Variants in CCDC85A observed in about 807,000 individuals in gnomAD.
The protein encoded by CCDC85A is coiled-coil domain containing 85A, also known as coiled-coil domain-containing protein 85A.
CCDC85A carries 38 observed loss-of-function variants against 50.2 expected under a neutral mutation model. The observed-to-expected ratio is 0.76, with a 90% CI of 0.58 to 0.99. The LOEUF is 0.99. CCDC85A is among the 50% of genes least tolerant of loss of function. The probability of loss-of-function intolerance (pLI) is 0.00; values close to 1 mark genes in which losing one functional copy is unlikely to be tolerated. For synonymous variants in CCDC85A, 366 were observed against 301.4 expected (o/e 1.21, Z -2.22); for missense variants, 820 against 742.0 (o/e 1.11, Z -1.22).
chr2:56,369,782 G>A (rs1295295653), intron 3 of CCDC85A, among the ~76,000 whole-genome samples: 7 of 152,044 alleles, frequency 4.6e-5, no homozygotes, highest in South Asian at 2.1e-4. Flanking sequence ...CTTCTTTTCA[G>A]TACTTGATTT....
intron 2 of CCDC85A, among the ~76,000 whole-genome samples, chr2:56,247,800 C>A (rs527359465): frequency 2.4e-4 from 37 of 152,248 alleles, no homozygotes; most frequent in African/African-American, 8.2e-4. Flanking sequence ...TTGTTTAATT[C>A]TCTCCTTTAG....
intron 2 of CCDC85A, among the ~76,000 whole-genome samples, chr2:56,322,034 A>C (rs946721470): frequency 2.0e-5 from 3 of 152,156 alleles, no homozygotes; most frequent in African/African-American, 7.2e-5. Context: ...CAAAAACAAG[A>C]AATGGGGAAA....
chr2:56,369,174 C>T (rs1211249036), intron 3 of CCDC85A, among the ~76,000 whole-genome samples: 2 of 152,020 alleles, frequency 1.3e-5, no homozygotes, highest in Non-Finnish European at 2.9e-5. Context: ...AGAAAAGAAA[C>T]ACGACAGTGT....
chr2:56,300,998 T>C (rs1456235835), intron 2 of CCDC85A, among the ~76,000 whole-genome samples: 1 of 152,214 alleles, frequency 6.6e-6, no homozygotes, highest in Non-Finnish European at 1.5e-5. Context: ...GGTTCTATTA[T>C]ATAAGCAGTG....
At chr2:56,262,682 T>C (rs1345596278) in intron 2 of CCDC85A, among the ~76,000 whole-genome samples, 1 of 152,204 alleles carries the variant, frequency 6.6e-6, no homozygotes, top group African/African-American at 2.4e-5. Flanking sequence ...TACAGCAGGA[T>C]CAGATCTCAT....
At chr2:56,281,210 G>T (rs912438684) in intron 2 of CCDC85A, among the ~76,000 whole-genome samples, 9 of 152,026 alleles carry the variant, frequency 5.9e-5, no homozygotes, top group African/African-American at 2.2e-4. Context: ...TGTGTATCTG[G>T]ATTCTTTCAC....
chr2:56,285,599 C>T (rs1350388021), intron 2 of CCDC85A, among the ~76,000 whole-genome samples: 1 of 145,684 alleles, frequency 6.9e-6, no homozygotes, highest in Non-Finnish European at 1.5e-5. Flanking sequence ...TAATAATATT[C>T]TTATCTACAC....
At chr2:56,337,065 A>G (rs974717260) in intron 2 of CCDC85A, among the ~76,000 whole-genome samples, 8 of 152,234 alleles carry the variant, frequency 5.3e-5, no homozygotes, top group African/African-American at 1.9e-4. Context: ...TATTTGCAAA[A>G]CAAGTCAGAG....
chr2:56,201,461 T>G (rs1453881065), intron 2 of CCDC85A, among the ~76,000 whole-genome samples: 1 of 152,144 alleles, frequency 6.6e-6, no homozygotes, highest in Non-Finnish European at 1.5e-5. Flanking sequence ...AATTTTGCCT[T>G]CTGGTCTTGA....
At chr2:56,343,322 T>G (rs962736312) in intron 3 of CCDC85A, among the ~76,000 whole-genome samples, 1 of 152,200 alleles carries the variant, frequency 6.6e-6, no homozygotes, top group African/African-American at 2.4e-5. Context: ...ATAGAAAACT[T>G]GCTAATTTCT....
chr2:56,193,286 C>G lies in CCDC85A; in HGVS notation c.1086C>G (p.Leu362=), dbSNP rs776556499. The G allele has an allele frequency of 6.2e-7, 1 of 1,613,920 alleles. No individual in the cohort carries two copies. Among genetic ancestry groups the G allele is most frequent in the Non-Finnish European group, 8.5e-7 (1 of 1,179,862 alleles). Residue 362 remains leucine, a synonymous_variant, in exon 2 of 6, where the codon CTC becomes CTG. Transcript: ENST00000407595. ...CCAGGGGCACCAGCCCGGAGCACCT[C>G]AAACAACATTATGGAGGGAGCCCTG... ...PRARGTSPEH[L]KQHYGGSPDH...
In CCDC85A at chr2:56,278,574, A is replaced by T. The variant is rs374381799; in HGVS notation, c.1241-64305A>T. Among the ~76,000 whole-genome samples, 33 of 151,796 alleles carry T rather than the reference A, an allele frequency of 2.2e-4. No individual in the cohort carries two copies. In the East Asian group the frequency reaches 2.7e-3, roughly 13 times the overall value. ...GTAGCCTGGTCTATTTTTATTTTTT[A>T]TTATTATTATTTTTTTGGAGATGGA... On this transcript the variant is annotated intron_variant, in intron 2 of 5. Coordinates refer to ENST00000407595, the MANE Select transcript of CCDC85A (RefSeq NM_001080433.2).
chr2:56,216,281 C>T (rs1193742388), intron 2 of CCDC85A, among the ~76,000 whole-genome samples: 1 of 151,834 alleles, frequency 6.6e-6, no homozygotes, highest in Non-Finnish European at 1.5e-5. Context: ...TTCAGCTTTA[C>T]TAGATAATGC....
At chr2:56,245,150 T>TTGCA (rs1669445253) in intron 2 of CCDC85A, among the ~76,000 whole-genome samples, 1 of 152,002 alleles carries the variant, frequency 6.6e-6, no homozygotes, top group South Asian at 2.1e-4. Flanking sequence ...TGCCCAGGAG[T>TTGCA]TGCAGTCCTT....
rs1674939773 is a variant in CCDC85A at position 56,351,533 on chromosome 2, T to C, written c.1317+8578T>C. Among the ~76,000 whole-genome samples the C allele has an allele frequency of 1.0e-4, 14 of 140,280 alleles. 2 individuals carry two copies. The South Asian group carries it at 3.1e-3, about 31-fold the overall frequency. 92.0% of individuals were successfully genotyped at this position (140,280 alleles called of 152,430 possible). On this transcript the variant is annotated intron_variant, in intron 3 of 5. Transcript: ENST00000407595. ...CACTTGTTGTCTCCTGACTTTTTAA[T>C]GATCGCCATTCTAACTGGTGTGAGA...
intron 3 of CCDC85A, among the ~76,000 whole-genome samples, chr2:56,372,102 T>A (rs979790667): frequency 5.9e-5 from 9 of 152,218 alleles, no homozygotes; most frequent in African/African-American, 2.2e-4. Flanking sequence ...TATCGTCTAC[T>A]TTTTGATAGA....
At chr2:56,198,164 A>G (rs1043330499) in intron 2 of CCDC85A, among the ~76,000 whole-genome samples, 41 of 152,400 alleles carry the variant, frequency 2.7e-4, no homozygotes, top group African/African-American at 9.4e-4. Context: ...GGAAGACCCC[A>G]GCAGTGTTTC....
intron 2 of CCDC85A, among the ~76,000 whole-genome samples, chr2:56,282,673 C>A (rs1474682214): frequency 1.3e-5 from 2 of 152,200 alleles, no homozygotes; most frequent in African/African-American, 4.8e-5. Context: ...CCATGCTTAG[C>A]TAATTTTTGT....
chr2:56,303,228 T>C (rs950773149), intron 2 of CCDC85A, among the ~76,000 whole-genome samples: 1 of 152,186 alleles, frequency 6.6e-6, no homozygotes, highest in African/African-American at 2.4e-5. Context: ...TATGTCTCTT[T>C]CCTCTGTATC....
Sources: allele counts gnomAD v4.1 joint callset (sites outside exome capture counted in the v4.1 genomes callset), GRCh38; gene constraint gnomAD v4.1.1; transcripts MANE v1.5; gene names NCBI Gene and HGNC (gene_info 2026-07-23, HGNC 2026-07-21).